SH3RF3: variants seen among roughly 807,000 people sequenced by gnomAD.
SH3RF3 encodes the protein E3 ubiquitin-protein ligase SH3RF3.
Under a neutral mutation model 66.3 loss-of-function variants are expected in SH3RF3, and 29 were observed. That is an observed-to-expected ratio of 0.44 (90% CI 0.33 to 0.60). The LOEUF (loss-of-function observed/expected upper bound fraction) is 0.60, where lower values mean the gene tolerates loss of function less well. SH3RF3 is among the 20% of genes least tolerant of loss of function. The pLI is 0.04. For missense variants in SH3RF3, 1,194 were observed against 1,190.9 expected (o/e 1.00, Z -0.04); for synonymous variants, 583 against 532.0 (o/e 1.10, Z -1.32).
chr2:109,170,302 CTCTT>C (rs1677744497), intron 1 of SH3RF3, among the ~76,000 whole-genome samples: 1 of 126,394 alleles, frequency 7.9e-6, no homozygotes, highest in South Asian at 2.6e-4. Context: ...CTCTTCTCTT[CTCTT>C]CTCTTCTCTC....
intron 1 of SH3RF3, among the ~76,000 whole-genome samples, chr2:109,216,241 T>G (rs991538645): frequency 3.3e-5 from 5 of 152,144 alleles, no homozygotes; most frequent in Non-Finnish European, 2.9e-5. Context: ...TGCTTCCAGG[T>G]CCTAACTACT....
chr2:109,147,293 C>T (rs934214437), intron 1 of SH3RF3, among the ~76,000 whole-genome samples: 1 of 151,814 alleles, frequency 6.6e-6, no homozygotes, highest in Non-Finnish European at 1.5e-5. Flanking sequence ...TGGTGCTGCT[C>T]TCTCTCTATC....
intron 3 of SH3RF3, among the ~76,000 whole-genome samples, chr2:109,372,553 T>C (rs1683296937): frequency 6.6e-6 from 1 of 152,204 alleles, no homozygotes; most frequent in Non-Finnish European, 1.5e-5. Flanking sequence ...CACTGGCATA[T>C]GAAAACCATG....
intron 1 of SH3RF3, among the ~76,000 whole-genome samples, chr2:109,227,160 A>G (rs749718201): frequency 5.3e-5 from 8 of 152,156 alleles, no homozygotes; most frequent in Non-Finnish European, 1.0e-4. Context: ...TGGCAGTGGC[A>G]GTGGTTGGCT....
At chr2:109,411,091 G>A (rs11123745) in intron 4 of SH3RF3, among the ~76,000 whole-genome samples, 78,782 of 152,084 alleles carry the variant, frequency 0.52, 20,698 homozygotes, top group Middle Eastern at 0.57. Context: ...CCAGGCCTGC[G>A]TCCAGGGCCA....
chr2:109,478,063 A>C (rs1323934098), intron 8 of SH3RF3, among the ~76,000 whole-genome samples: 1 of 152,228 alleles, frequency 6.6e-6, no homozygotes, highest in African/African-American at 2.4e-5. Context: ...GAGGTCCCTG[A>C]GTGTCCCATC....
intron 9 of SH3RF3, among the ~76,000 whole-genome samples, chr2:109,495,561 C>G: frequency 7.0e-6 from 1 of 142,594 alleles, no homozygotes; most frequent in Admixed American, 7.4e-5. Context: ...CAATCTTGGC[C>G]CACTGCAACC....
At chr2:109,132,707 A>G (rs1440626748) in intron 1 of SH3RF3, among the ~76,000 whole-genome samples, 1 of 152,230 alleles carries the variant, frequency 6.6e-6, no homozygotes, top group Non-Finnish European at 1.5e-5. Flanking sequence ...TTTTAATGGT[A>G]CTGTCTAACC....
intron 1 of SH3RF3, among the ~76,000 whole-genome samples, chr2:109,237,081 GAAAT>G (rs1465676064): frequency 6.6e-6 from 1 of 152,136 alleles, no homozygotes; most frequent in Non-Finnish European, 1.5e-5. Context: ...GTTAAAATAA[GAAAT>G]AAACAAGAAT....
intron 1 of SH3RF3, among the ~76,000 whole-genome samples, chr2:109,136,955 A>G (rs1035174639): frequency 6.6e-6 from 1 of 152,166 alleles, no homozygotes; most frequent in African/African-American, 2.4e-5. Flanking sequence ...TGGGATGCTG[A>G]TGCTTTTCTC....
At chr2:109,478,556 A>G (rs975492110) in intron 8 of SH3RF3, among the ~76,000 whole-genome samples, 3 of 152,186 alleles carry the variant, frequency 2.0e-5, no homozygotes, top group African/African-American at 7.2e-5. Context: ...ATTCTTCTCT[A>G]TTATTTGGAT....
At chr2:109,137,929 C>T (rs974007892) in intron 1 of SH3RF3, among the ~76,000 whole-genome samples, 6 of 152,256 alleles carry the variant, frequency 3.9e-5, no homozygotes, top group African/African-American at 1.2e-4. Flanking sequence ...AGCTAAATCT[C>T]AGGCCAGGCC....
intron 1 of SH3RF3, among the ~76,000 whole-genome samples, chr2:109,169,598 G>C (rs77601615): frequency 6.6e-6 from 1 of 152,136 alleles, no homozygotes; most frequent in African/African-American, 2.4e-5. Flanking sequence ...CAAACTGACC[G>C]AGCTTAGCAA....
At chr2:109,374,927 G>A (rs934073368) in intron 3 of SH3RF3, among the ~76,000 whole-genome samples, 2 of 152,208 alleles carry the variant, frequency 1.3e-5, no homozygotes, top group Non-Finnish European at 2.9e-5. Context: ...CCTGCACAGT[G>A]CTCTCCCTCC....
chr2:109,273,385 G>C (rs776024924), intron 1 of SH3RF3, among the ~76,000 whole-genome samples: 2 of 152,218 alleles, frequency 1.3e-5, no homozygotes, highest in Admixed American at 6.5e-5. Flanking sequence ...GCATGGATGA[G>C]GGGGGAGGCA....
At chr2:109,170,693 GGTT>G (rs1248081516) in intron 1 of SH3RF3, among the ~76,000 whole-genome samples, 1 of 152,148 alleles carries the variant, frequency 6.6e-6, no homozygotes, top group Admixed American at 6.6e-5. Flanking sequence ...CACAGTCTGA[GGTT>G]GTTATTTGTT....
chr2:109,264,817 C>T (rs1333596712), intron 1 of SH3RF3, among the ~76,000 whole-genome samples: 9 of 152,234 alleles, frequency 5.9e-5, no homozygotes, highest in Non-Finnish European at 4.4e-5. Context: ...ATGCCGCACC[C>T]TCCTGAGGCT....
In SH3RF3 at chr2:109,383,386, G is replaced by A. The variant is rs13419404; in HGVS notation, c.945+11705G>A. 4.3e-3 allele frequency among the ~76,000 whole-genome samples: 649 copies of A among 152,272 alleles called. 3 individuals carry two copies. Among genetic ancestry groups the A allele is most frequent in the African/African-American group, 0.014 (601 of 41,544 alleles). ...CAGGGAGATCTATCCTACAGGTCTC[G>A]GTTGCTGTTGCTGCCTCACCCTTAG... On this transcript the variant is annotated intron_variant, in intron 3 of 9. Coordinates refer to ENST00000309415, the MANE Select transcript of SH3RF3 (RefSeq NM_001099289.3).
At chr2:109,344,488 G>A (rs756525349) in intron 1 of SH3RF3, among the ~76,000 whole-genome samples, 1 of 152,220 alleles carries the variant, frequency 6.6e-6, no homozygotes, top group Admixed American at 6.5e-5. Flanking sequence ...AGGGGACCTC[G>A]GCTGCCGTGC....
Sources: gnomAD v4.1 joint callset for allele counts (sites outside exome capture counted in the v4.1 genomes callset) on GRCh38, gnomAD v4.1.1 for gene constraint, MANE v1.5 for transcripts, NCBI Gene and HGNC (gene_info 2026-07-23, HGNC 2026-07-21) for gene names.